Variants in RYR2 observed in about 807,000 individuals in gnomAD.
RYR2 encodes the protein cardiac muscle ryanodine receptor-calcium release channel.
A neutral mutation model predicts 601.1 loss-of-function variants in RYR2; 227 were observed. The observed-to-expected ratio is 0.38, with a 90% confidence interval of 0.34 to 0.42. The LOEUF is 0.42. RYR2 is among the 10% of genes least tolerant of loss of function. The pLI, the probability that RYR2 is intolerant of heterozygous loss-of-function variation, is 1.00. For missense variants in RYR2, 4,646 were observed against 6,156.5 expected, an observed-to-expected ratio of 0.75 and a Z score of 8.21; for synonymous variants, 2,223 against 2,175.1, an observed-to-expected ratio of 1.02 and a Z score of -0.61.
At position 237,496,422 on chromosome 1, in the gene RYR2, A is replaced by T. The variant is rs1449417608; in HGVS notation, c.1962-89A>T. 2.0e-5 allele frequency: 31 copies of T among 1,542,820 alleles called. No individual in the cohort carries two copies. The South Asian group carries it at 2.5e-4, about 13-fold the overall frequency. ...GACTCTGTCTCAATAAAATTAAATGAAATACACAAGTGAAATTGTGAGATG... is the reference window on the plus strand; with the variant it reads ...GACTCTGTCTCAATAAAATTAAATGTAATACACAAGTGAAATTGTGAGATG... On this transcript the variant is annotated intron_variant, in intron 19 of 104. Coordinates refer to ENST00000366574, the MANE Select transcript of RYR2 (RefSeq NM_001035.3).
chr1:237,500,422 C>T (rs1238531161), intron 20 of RYR2, among the ~76,000 whole-genome samples: 2 of 152,182 alleles, frequency 1.3e-5, no homozygotes, highest in Admixed American at 1.3e-4. Context: ...ATTATATAAT[C>T]TGCTCATAGA....
At chr1:237,117,679 TCTC>T (rs1009271679) in intron 1 of RYR2, among the ~76,000 whole-genome samples, 4 of 41,956 alleles carry the variant, frequency 9.5e-5, no homozygotes, top group Non-Finnish European at 1.9e-4. Flanking sequence ...TTCCTTCTCT[TCTC>T]TTCTCTTCTC....
chr1:237,293,937 G>A (rs1558570655), intron 2 of RYR2, among the ~76,000 whole-genome samples: 1 of 152,160 alleles, frequency 6.6e-6, no homozygotes, highest in Non-Finnish European at 1.5e-5. Context: ...AGGGTGGAAT[G>A]TGTTGGGGGA....
chr1:237,377,485 G>A, intron 8 of RYR2, 50 bp downstream of exon 8: 8 of 1,371,870 alleles, frequency 5.8e-6, no homozygotes, highest in Non-Finnish European at 8.3e-6. Context: ...TAAATGACAA[G>A]TCAATAAAAT....
At chr1:237,215,956 T>C (rs910974537) in intron 1 of RYR2, among the ~76,000 whole-genome samples, 7 of 152,222 alleles carry the variant, frequency 4.6e-5, no homozygotes, top group South Asian at 2.1e-4. Flanking sequence ...CCAATTAATA[T>C]GGAGCTCTCA....
At chr1:237,443,700 T>C (rs1456985494) in intron 13 of RYR2, among the ~76,000 whole-genome samples, 1 of 152,220 alleles carries the variant, frequency 6.6e-6, no homozygotes, top group Non-Finnish European at 1.5e-5. Context: ...TTTGTGTTTA[T>C]TAATTTTTAT....
intron 1 of RYR2, among the ~76,000 whole-genome samples, chr1:237,125,260 G>A (rs1040397938): frequency 6.6e-6 from 1 of 152,140 alleles, no homozygotes; most frequent in African/African-American, 2.4e-5. Context: ...AGGCCTCGGA[G>A]GTTCGGTGGG....
intron 84 of RYR2, among the ~76,000 whole-genome samples, chr1:237,764,265 C>T (rs1031385916): frequency 6.6e-6 from 1 of 152,144 alleles, no homozygotes; most frequent in Non-Finnish European, 1.5e-5. Flanking sequence ...CACAGCTAAG[C>T]GGCAAGGCTG....
At chr1:237,418,515 A>C (rs1400069692) in intron 11 of RYR2, among the ~76,000 whole-genome samples, 1 of 152,206 alleles carries the variant, frequency 6.6e-6, no homozygotes, top group African/African-American at 2.4e-5. Context: ...TTTCATTATC[A>C]GTTTAGATGC....
chr1:237,437,198 C>T (rs7535793), intron 12 of RYR2, among the ~76,000 whole-genome samples: 84,974 of 150,934 alleles, frequency 0.56, 24,506 homozygotes, highest in East Asian at 0.7. Context: ...GCACCCGCCA[C>T]CACGCTCAGC....
At chr1:237,270,292 C>CCCGAA (rs1372175976) in intron 1 of RYR2, 1 of 719,776 alleles carries the variant, frequency 1.4e-6, no homozygotes, top group Non-Finnish European at 2.4e-6. Flanking sequence ...CCTCTTTTCC[C>CCCGAA]CTACTCAGTT....
Position 237,660,179 on chromosome 1 carries a change from T to C in RYR2, c.8298+105T>C, listed in dbSNP as rs933639187. 8 of 569,052 alleles carry C rather than the reference T, an allele frequency of 1.4e-5. No individual in the cohort carries two copies. The African/African-American group carries it at 1.6e-4, about 11-fold the overall frequency. The allele number at this position is 569,052 out of a possible 1,614,324, so 35.3% of individuals were successfully genotyped here. On this transcript the variant is annotated intron_variant, in intron 55 of 104. Transcript: ENST00000366574. ...TAAAATGTCTTCTTTATTTTAAATT[T>C]CACATTTTTTCTTCCAAAGGTCCCG...
intron 14 of RYR2, among the ~76,000 whole-genome samples, chr1:237,452,217 T>C (rs988463066): frequency 8.8e-5 from 13 of 147,344 alleles, no homozygotes; most frequent in African/African-American, 3.2e-4. Flanking sequence ...TTATATGTTA[T>C]AATGGATATA....
chr1:237,830,422 G>T, intron 102 of RYR2, 108 bp from the exon 103 acceptor site: 1 of 728,828 alleles, frequency 1.4e-6, no homozygotes, highest in African/African-American at 1.7e-5. Context: ...GATGATCTTT[G>T]ACGTGTATTG....
rs543156889 is a variant in RYR2 at position 237,070,599 on chromosome 1, C to T, written c.48+28030C>T. Among the ~76,000 whole-genome samples, 31 of 152,254 alleles carry T rather than the reference C, an allele frequency of 2.0e-4. No homozygotes were observed. In the South Asian group the frequency reaches 3.3e-3, roughly 16 times the overall value. The stretch of plus-strand genomic sequence containing the variant: ...CTGGGCTTATTTCGCCCACATGGCC[C>T]GGCAGGCTGTGCTTGGTTTGCACTA... On this transcript the variant is annotated intron_variant, in intron 1 of 104. Coordinates refer to ENST00000366574, the MANE Select transcript of RYR2 (RefSeq NM_001035.3).
intron 1 of RYR2, among the ~76,000 whole-genome samples, chr1:237,211,282 ATT>A (rs1558432612): frequency 6.6e-6 from 1 of 152,166 alleles, no homozygotes; most frequent in Non-Finnish European, 1.5e-5. Context: ...CTGTGCCAGT[ATT>A]TAGATTTGAC....
Position 237,491,726 on chromosome 1 carries a change from A to G in RYR2, c.1709-80A>G, listed in dbSNP as rs886934772. The G allele has an allele frequency of 1.7e-5, 12 of 702,498 alleles. No homozygotes were observed. In the Admixed American group the frequency reaches 2.1e-4, roughly 12 times the overall value. 43.5% of individuals were successfully genotyped at this position (702,498 alleles called of 1,614,324 possible). A position where few individuals can be genotyped will look rare whatever the true frequency, so the allele number is the denominator to read the frequency against. On this transcript the variant is annotated intron_variant, in intron 17 of 104. Transcript: ENST00000366574. Reference sequence around the variant, plus strand: ...ATTACATGTTGTACTGAATGCACCTATGTAGAAAAAGGAAGACACTGGTCA... The same window carrying G: ...ATTACATGTTGTACTGAATGCACCTGTGTAGAAAAAGGAAGACACTGGTCA...
At chr1:237,226,207 T>C (rs1684348533) in intron 1 of RYR2, among the ~76,000 whole-genome samples, 1 of 152,136 alleles carries the variant, frequency 6.6e-6, no homozygotes, top group African/African-American at 2.4e-5. Context: ...GAAAATTGCA[T>C]GTTGTTAGAA....
chr1:237,062,580 C>A (rs949335515), intron 1 of RYR2, among the ~76,000 whole-genome samples: 2 of 151,922 alleles, frequency 1.3e-5, no homozygotes, highest in African/African-American at 2.4e-5. Context: ...TATCTAGTAA[C>A]CTTGCCAAGT....
Sources: gnomAD v4.1 joint callset for allele counts (sites outside exome capture counted in the v4.1 genomes callset) on GRCh38, gnomAD v4.1.1 for gene constraint, MANE v1.5 for transcripts, NCBI Gene and HGNC (gene_info 2026-07-23, HGNC 2026-07-21) for gene names.